Variants in DOCK8 observed in about 807,000 individuals in gnomAD.
The protein encoded by DOCK8 is dedicator of cytokinesis 8.
A neutral mutation model predicts 245.6 loss-of-function variants in DOCK8; 141 were observed. That is an observed-to-expected ratio of 0.57 (90% CI 0.50 to 0.66). The LOEUF (loss-of-function observed/expected upper bound fraction) is 0.66. Ranked by LOEUF, DOCK8 falls within the 30% of genes least tolerant of loss-of-function variation. The probability of loss-of-function intolerance (pLI) is 0.00; values close to 1 mark genes in which losing one functional copy is unlikely to be tolerated. For missense variants in DOCK8, 2,965 were observed against 2,603.4 expected (o/e 1.14, Z -3.02); for synonymous variants, 1,168 against 970.2 (o/e 1.20, Z -3.79).
At chr9:461,176 G>C (rs1218210609) in intron 46 of DOCK8, among the ~76,000 whole-genome samples, 2 of 152,184 alleles carry the variant, frequency 1.3e-5, no homozygotes, top group African/African-American at 2.4e-5. Context: ...GAGTTCTAAA[G>C]ATTTTCTCTG....
chr9:387,639 T>C (rs962182513), intron 23 of DOCK8, among the ~76,000 whole-genome samples: 1 of 152,118 alleles, frequency 6.6e-6, no homozygotes, highest in Admixed American at 6.5e-5. Context: ...CTGTGCACTT[T>C]GCAGTATTCC....
At chr9:243,922 T>G (rs370123568) in intron 1 of DOCK8, among the ~76,000 whole-genome samples, 1 of 152,038 alleles carries the variant, frequency 6.6e-6, no homozygotes, top group African/African-American at 2.4e-5. Flanking sequence ...CGGTGGCTCA[T>G]GCCTGTAATC....
At chr9:425,414 C>G (rs904766202) in intron 33 of DOCK8, among the ~76,000 whole-genome samples, 2 of 151,868 alleles carry the variant, frequency 1.3e-5, no homozygotes, top group Admixed American at 1.3e-4. Flanking sequence ...CGCCTGTAGT[C>G]CCAGCTACTC....
chr9:232,852 T>A (rs897295150), intron 1 of DOCK8, among the ~76,000 whole-genome samples: 9 of 152,232 alleles, frequency 5.9e-5, no homozygotes, highest in African/African-American at 2.2e-4. Flanking sequence ...AACCAGCTCC[T>A]GGATTCATTA....
chr9:356,267 G>A (rs1426241495), intron 14 of DOCK8, among the ~76,000 whole-genome samples: 1 of 152,076 alleles, frequency 6.6e-6, no homozygotes, highest in Non-Finnish European at 1.5e-5. Flanking sequence ...GGTGGCTCAC[G>A]CCTGTAATCC....
At chr9:326,366 A>G (rs948847779) in intron 8 of DOCK8, among the ~76,000 whole-genome samples, 1 of 152,214 alleles carries the variant, frequency 6.6e-6, no homozygotes, top group Admixed American at 6.5e-5. Context: ...TGAGATTTGT[A>G]GGATAGGTTA....
chr9:382,538 T>G lies in DOCK8; in HGVS notation c.2631T>G (p.Pro877=), dbSNP rs2053764476. 1.9e-6 allele frequency: 3 copies of G among 1,613,894 alleles called. No individual in the cohort carries two copies. The highest frequency in any genetic ancestry group is 1.3e-5 in the African/African-American group (1 of 75,020). ...KSGAPTALLD[P]RSYHTYGRTS... is the part of the protein sequence containing the mutation. ...GCGCTCCCACTGCCCTCCTAGACCC[T>G]CGGAGCTACCACACGTATGGCCGCA... The change falls in exon 22 of 48, where the codon CCT becomes CCG. Residue 877 remains proline, a synonymous_variant. Transcript: ENST00000432829.
intron 1 of DOCK8, among the ~76,000 whole-genome samples, chr9:235,881 C>T (rs186452315): frequency 3.5e-4 from 53 of 152,328 alleles, no homozygotes; most frequent in Admixed American, 1.2e-3. Flanking sequence ...CCTGCTTCGG[C>T]TCACGCATGT....
chr9:255,337 A>G (rs2047743217), intron 1 of DOCK8, among the ~76,000 whole-genome samples: 1 of 152,192 alleles, frequency 6.6e-6, no homozygotes. Context: ...ATTTCTGTAT[A>G]TAATAATATT....
intron 28 of DOCK8, among the ~76,000 whole-genome samples, chr9:407,442 G>C (rs1219852050): frequency 1.3e-5 from 2 of 152,206 alleles, no homozygotes; most frequent in East Asian, 3.8e-4. Flanking sequence ...ATGTCACTTG[G>C]TTCAAAGCTG....
intron 23 of DOCK8, among the ~76,000 whole-genome samples, chr9:389,786 C>T (rs1196009760): frequency 6.6e-6 from 1 of 151,858 alleles, no homozygotes; most frequent in African/African-American, 2.4e-5. Context: ...GAGGCCAAGG[C>T]GGGTGGATTG....
chr9:403,911 TATATAC>T (rs1347885513), intron 26 of DOCK8, among the ~76,000 whole-genome samples: 5 of 85,908 alleles, frequency 5.8e-5, no homozygotes, highest in African/African-American at 3.1e-4. Flanking sequence ...TATATATATA[TATATAC>T]ATATATATAT....
Position 286,472 on chromosome 9 carries a change from T to A in DOCK8, c.168T>A (p.Tyr56Ter). The change falls in exon 3 of 48, where the codon TAT becomes TAA. Residue 56 changes from tyrosine (Y) to a stop codon, truncating the protein, a stop_gained. Transcript: ENST00000432829. LOFTEE classifies it high-confidence loss of function. ...CCCTGCCCCTCCAGCCTCAGTTTTA[T>A]GACCCTGTGGAGCCAGTGGACTTTG... The part of the protein sequence containing the change: ...GFPSLQLPQF[Y>*]DPVEPVDFEG... 1 of 1,613,946 alleles carries A rather than the reference T, an allele frequency of 6.2e-7. No individual in the cohort carries two copies. The highest frequency in any genetic ancestry group is 8.5e-7 in the Non-Finnish European group (1 of 1,179,882).
intron 9 of DOCK8, 124 bp downstream of exon 9, chr9:328,295 C>T (rs909418618): frequency 1.8e-5 from 23 of 1,301,946 alleles, no homozygotes; most frequent in Non-Finnish European, 2.5e-5. Context: ...CACTTTGTTT[C>T]CTTCTCAGTT....
chr9:258,051 T>G (rs2047822514), intron 1 of DOCK8, among the ~76,000 whole-genome samples: 1 of 152,178 alleles, frequency 6.6e-6, no homozygotes, highest in South Asian at 2.1e-4. Flanking sequence ...TGAAGCAGTG[T>G]TCAAGGGCAA....
intron 22 of DOCK8, among the ~76,000 whole-genome samples, chr9:385,369 G>A (rs981169448): frequency 2.0e-5 from 3 of 152,066 alleles, no homozygotes; most frequent in African/African-American, 7.2e-5. Flanking sequence ...TGCAATGAAA[G>A]TCATATAAGA....
At chr9:451,931 G>A (rs937902714) in intron 45 of DOCK8, 80 bp from the exon 46 acceptor site, 9 of 309,536 alleles carry the variant, frequency 2.9e-5, no homozygotes, top group African/African-American at 2.0e-4. Flanking sequence ...ATATATGTAT[G>A]TGTATATATA....
chr9:269,100 G>A (rs898858022), intron 1 of DOCK8, among the ~76,000 whole-genome samples: 4 of 152,092 alleles, frequency 2.6e-5, no homozygotes, highest in East Asian at 1.9e-4. Flanking sequence ...ATTCACCCAT[G>A]TGTACAGTTC....
intron 21 of DOCK8, chr9:380,923 C>T (rs138007641): frequency 6.5e-6 from 1 of 154,880 alleles, no homozygotes; most frequent in Non-Finnish European, 1.4e-5. Context: ...CATAATGAGA[C>T]TCTGTCTCTA....
Sources: gnomAD v4.1 joint callset for allele counts (sites outside exome capture counted in the v4.1 genomes callset) on GRCh38, gnomAD v4.1.1 for gene constraint, MANE v1.5 for transcripts, NCBI Gene and HGNC (gene_info 2026-07-23, HGNC 2026-07-21) for gene names.